The following TLR6 variants were observed in gnomAD, a reference collection of about 807,000 sequenced individuals.
TLR6 encodes toll-like receptor 6.
Under a neutral mutation model 16.1 loss-of-function variants are expected in TLR6, and 9 were observed. That is an observed-to-expected ratio of 0.56 (90% CI 0.34 to 0.98). TLR6 has a LOEUF of 0.98. TLR6 is among the 50% of genes least tolerant of loss of function. TLR6 has a pLI of 0.02. For synonymous variants in TLR6, 340 were observed against 338.6 expected (o/e 1.00, Z -0.04); for missense variants, 786 against 921.0 (o/e 0.85, Z 1.90).
Position 38,829,516 on chromosome 4 carries a change from C to T in TLR6, c.-43G>A, listed in dbSNP as rs774702523. 2.4e-5 allele frequency: 30 copies of T among 1,244,086 alleles called. No homozygotes were observed. The highest frequency in any genetic ancestry group is 4.1e-5 in the Admixed American group (2 of 49,220). 77.1% of individuals were successfully genotyped at this position (1,244,086 alleles called of 1,614,324 possible). The stretch of plus-strand genomic sequence containing the variant: ...CCTAAAGGGTTGTTCTTCTTCAGAG[C>T]ATCTTGATATGAGTCCAAATTCTAG... On this transcript the variant is annotated 5_prime_UTR_variant, in exon 2 of 2. It removes an upstream start codon present in the reference 5' UTR. Transcript: ENST00000436693.
chr4:38,834,080 T>A (rs979390814), intron 1 of TLR6, among the ~76,000 whole-genome samples: 3 of 133,044 alleles, frequency 2.3e-5, no homozygotes, highest in Admixed American at 7.6e-5. Flanking sequence ...AAAAAAAAAA[T>A]TACAAAAATT....
exon 2 of TLR6, chr4:38,827,760 G>A: frequency 6.2e-7 from 1 of 1,614,244 alleles, no homozygotes; most frequent in Non-Finnish European, 8.5e-7. Context: ...AAGTCCTTTA[G>A]TGGGCTTCCT....
chr4:38,858,831 GGAAGAA>G (rs1190363282), upstream of TLR6, among the ~76,000 whole-genome samples: 7 of 51,948 alleles, frequency 1.3e-4, no homozygotes, highest in Non-Finnish European at 2.7e-4. Flanking sequence ...GAGAGAGAGA[GGAAGAA>G]AGAAAGAAAG....
chr4:38,838,861 A>G (rs1208747093), intron 1 of TLR6, among the ~76,000 whole-genome samples: 1 of 144,256 alleles, frequency 6.9e-6, no homozygotes, highest in African/African-American at 2.5e-5. Context: ...AAATATGTAT[A>G]ATTATTTTGT....
chr4:38,853,250 G>A, intron 1 of TLR6, among the ~76,000 whole-genome samples: 1 of 121,584 alleles, frequency 8.2e-6, no homozygotes, highest in Non-Finnish European at 1.7e-5. Context: ...GGAGGGGGGA[G>A]GGAAAGCATT....
At chr4:38,838,993 G>A (rs1399681476) in intron 1 of TLR6, among the ~76,000 whole-genome samples, 1 of 139,602 alleles carries the variant, frequency 7.2e-6, no homozygotes, top group African/African-American at 2.8e-5. Context: ...GAGGGAGAGA[G>A]GGGGAGAGAG....
chr4:38,850,098 T>C (rs1312327408), intron 1 of TLR6, among the ~76,000 whole-genome samples: 2 of 152,114 alleles, frequency 1.3e-5, no homozygotes, highest in Non-Finnish European at 2.9e-5. Context: ...CTCAACTACA[T>C]GGAAACTGAA....
chr4:38,858,848 A>AGG (rs1449193594), upstream of TLR6, among the ~76,000 whole-genome samples: 70 of 106,862 alleles, frequency 6.6e-4, no homozygotes, highest in South Asian at 2.9e-3. Flanking sequence ...AGAAAGAAAG[A>AGG]AAGAAAGAAA....
At chr4:38,829,363 G>A (rs1727718939) in exon 2 of TLR6, 2 of 1,614,020 alleles carry the variant, frequency 1.2e-6, no homozygotes, top group Non-Finnish European at 1.7e-6. Flanking sequence ...TTTTTGACTT[G>A]TCTACTGCAA....
At chr4:38,827,431 G>T (rs1324436981) in exon 2 of TLR6, 1 of 1,614,206 alleles carries the variant, frequency 6.2e-7, no homozygotes, top group South Asian at 1.1e-5. Context: ...CAATGCTCTT[G>T]CCAGGGACAA....
chr4:38,827,026 C>G, exon 2 of TLR6: 1 of 1,331,190 alleles, frequency 7.5e-7, no homozygotes, highest in Admixed American at 2.6e-5. Context: ...TACGACTGTA[C>G]TATTCACCAT....
At chr4:38,824,474 C>A (rs1019922376) in exon 2 of TLR6, 6 of 152,192 alleles carry the variant, frequency 3.9e-5, no homozygotes. Context: ...TGCTAAAATT[C>A]TATATTTTCA....
rs56139335 is a variant in TLR6 at position 38,829,298 on chromosome 4, A to G, written c.176T>C (p.Met59Thr). The change falls in exon 2 of 2, where the codon ATG becomes ACG. Residue 59 changes from methionine to threonine, a missense_variant. By Grantham distance (81) the Met-to-Thr change is moderately conservative (BLOSUM62 -1). Coordinates refer to ENST00000436693, the Ensembl canonical transcript of TLR6. Reference sequence around the variant, plus strand: ...AAGCTCAGCGATGTAGTTCTGAGACATATCTAAGACTTTGGTTTTCAGCGG... The same window carrying G: ...AAGCTCAGCGATGTAGTTCTGAGACGTATCTAAGACTTTGGTTTTCAGCGG... 1.5e-4 allele frequency: 246 copies of G among 1,614,236 alleles called. 2 individuals carry two copies. The East Asian group carries it at 5.2e-3, about 34-fold the overall frequency.
upstream of TLR6, among the ~76,000 whole-genome samples, chr4:38,858,831 GGAAGA>G (rs1713114556): frequency 5.8e-5 from 3 of 51,960 alleles, no homozygotes; most frequent in Non-Finnish European, 1.2e-4. Flanking sequence ...GAGAGAGAGA[GGAAGA>G]AAGAAAGAAA....
the TLR6 span, among the ~76,000 whole-genome samples, chr4:38,862,015 C>G: frequency 1.3e-5 from 2 of 152,202 alleles, no homozygotes; most frequent in Non-Finnish European, 2.9e-5. Flanking sequence ...AACATTCTCA[C>G]GCGATGATGC....
the TLR6 span, among the ~76,000 whole-genome samples, chr4:38,863,874 C>G: frequency 3.9e-5 from 6 of 152,130 alleles, no homozygotes; most frequent in Non-Finnish European, 8.8e-5. Context: ...TACTCAAAAG[C>G]CATAAGGGTG....
chr4:38,847,825 C>A (rs1439932012), intron 1 of TLR6, among the ~76,000 whole-genome samples: 1 of 152,240 alleles, frequency 6.6e-6, no homozygotes, highest in East Asian at 1.9e-4. Context: ...CTCAAGGAGG[C>A]CTGCCTGCCT....
intron 1 of TLR6, among the ~76,000 whole-genome samples, chr4:38,845,918 C>T (rs1321696360): frequency 1.3e-5 from 2 of 151,708 alleles, no homozygotes; most frequent in Non-Finnish European, 2.9e-5. Context: ...ATGGTGAAAC[C>T]CTGTCTCCAT....
intron 1 of TLR6, among the ~76,000 whole-genome samples, chr4:38,855,546 G>C (rs1410417975): frequency 2.6e-5 from 4 of 152,144 alleles, no homozygotes; most frequent in Admixed American, 2.6e-4. Context: ...TATAAAGATG[G>C]AGAACTTTCA....
Sources: allele counts gnomAD v4.1 joint callset (sites outside exome capture counted in the v4.1 genomes callset), GRCh38; gene constraint gnomAD v4.1.1; transcripts MANE v1.5; gene names NCBI Gene and HGNC (gene_info 2026-07-23, HGNC 2026-07-21).